The following ULK4 variants were observed in gnomAD, a reference collection of about 807,000 sequenced individuals.
ULK4 encodes the protein unc-51 like kinase 4, also known as inactive serine/threonine-protein kinase ULK4.
A neutral mutation model predicts 160.6 loss-of-function variants in ULK4; 133 were observed. That is an observed-to-expected ratio of 0.83 (90% CI 0.72 to 0.96). The LOEUF (loss-of-function observed/expected upper bound fraction) is 0.96. Among genes scored for constraint, ULK4 ranks in the 40% least tolerant of loss-of-function variants. ULK4 has a pLI of 0.00. For synonymous variants in ULK4, 534 were observed against 539.8 expected (o/e 0.99, Z 0.15); for missense variants, 1,580 against 1,499.5 (o/e 1.05, Z -0.89).
intron 35 of ULK4, among the ~76,000 whole-genome samples, chr3:41,316,773 T>G (rs2080150033): frequency 6.6e-6 from 1 of 152,184 alleles, no homozygotes; most frequent in South Asian, 2.1e-4. Context: ...TTATTTTCCC[T>G]TCTCTCAACT....
At chr3:41,904,541 T>C (rs1424479916) in intron 12 of ULK4, among the ~76,000 whole-genome samples, 1 of 152,220 alleles carries the variant, frequency 6.6e-6, no homozygotes, top group Non-Finnish European at 1.5e-5. Flanking sequence ...ATACTCTTCT[T>C]TATAACCATC....
chr3:41,736,691 G>A (rs1212573741), intron 22 of ULK4, among the ~76,000 whole-genome samples: 2 of 151,038 alleles, frequency 1.3e-5, no homozygotes, highest in Non-Finnish European at 2.9e-5. Flanking sequence ...AAGCTCTTTA[G>A]TTTAATTAGA....
chr3:41,295,841 G>A (rs181814425), intron 35 of ULK4, among the ~76,000 whole-genome samples: 1 of 152,274 alleles, frequency 6.6e-6, no homozygotes, highest in Admixed American at 6.5e-5. Flanking sequence ...ATGCAAAACG[G>A]TCCATCCACT....
chr3:41,883,188 T>A (rs916335243), intron 17 of ULK4, among the ~76,000 whole-genome samples: 12 of 152,126 alleles, frequency 7.9e-5, no homozygotes, highest in African/African-American at 2.9e-4. Flanking sequence ...GAGAAAATGT[T>A]CCAATTCCTC....
chr3:41,773,647 C>G (rs1181751367), intron 21 of ULK4, among the ~76,000 whole-genome samples: 1 of 152,006 alleles, frequency 6.6e-6, no homozygotes, highest in Non-Finnish European at 1.5e-5. Flanking sequence ...CCATACTGCC[C>G]AAGGTAATTT....
intron 32 of ULK4, among the ~76,000 whole-genome samples, chr3:41,482,619 T>G (rs2125898403): frequency 6.6e-6 from 1 of 152,340 alleles, no homozygotes; most frequent in Middle Eastern, 3.4e-3. Flanking sequence ...CTGGAAGTTG[T>G]TGTGTTTTTT....
At chr3:41,890,296 GAC>G (rs1697872887) in intron 16 of ULK4, among the ~76,000 whole-genome samples, 3 of 152,046 alleles carry the variant, frequency 2.0e-5, no homozygotes, top group African/African-American at 7.2e-5. Context: ...AGTCAAGAGA[GAC>G]AAACTCCCAC....
At chr3:41,514,558 T>A (rs957367604) in intron 32 of ULK4, among the ~76,000 whole-genome samples, 18 of 152,046 alleles carry the variant, frequency 1.2e-4, no homozygotes, top group Non-Finnish European at 2.4e-4. Flanking sequence ...AATAAATGGA[T>A]AAAGAAAATG....
chr3:41,486,261 T>A (rs2084525978), intron 32 of ULK4, among the ~76,000 whole-genome samples: 1 of 152,200 alleles, frequency 6.6e-6, no homozygotes, highest in African/African-American at 2.4e-5. Flanking sequence ...TGGCTCATAG[T>A]AGGTATTCAA....
At chr3:41,579,487 T>A (rs1284476104) in intron 31 of ULK4, among the ~76,000 whole-genome samples, 3 of 2,442 alleles carry the variant, frequency 1.2e-3, no homozygotes, top group Admixed American at 6.4e-3. Flanking sequence ...GAACTAATAT[T>A]TTTTTTTTTT....
In ULK4 at chr3:41,376,847, C is replaced by A. The variant is rs191452136; in HGVS notation, c.3678+21232G>T. ...GCCATCCCCAACAAGCTACCAATGA[C>A]TTTCTTCACAGAATTGGAAAAAACT... On this transcript the variant is annotated intron_variant, in intron 35 of 36. Coordinates refer to ENST00000301831, the MANE Select transcript of ULK4 (RefSeq NM_017886.4). Among the ~76,000 whole-genome samples the A allele has an allele frequency of 9.3e-4, 140 of 150,070 alleles. 2 individuals are homozygous for A. Among genetic ancestry groups the A allele is most frequent in the African/African-American group, 3.5e-3 (139 of 40,162 alleles).
At chr3:41,270,383 T>C (rs1202184430) in intron 35 of ULK4, among the ~76,000 whole-genome samples, 1 of 152,126 alleles carries the variant, frequency 6.6e-6, no homozygotes, top group Non-Finnish European at 1.5e-5. Flanking sequence ...TCCACTCTTC[T>C]CCCCATGGGC....
At chr3:41,846,944 G>A (rs17064075) in intron 17 of ULK4, among the ~76,000 whole-genome samples, 20,174 of 151,936 alleles carry the variant, frequency 0.13, 4,339 homozygotes, top group African/African-American at 0.45. Flanking sequence ...TTCTAATACC[G>A]TTATGCTTTG....
intron 30 of ULK4, among the ~76,000 whole-genome samples, chr3:41,620,463 T>C (rs1331194090): frequency 6.6e-6 from 1 of 152,192 alleles, no homozygotes; most frequent in Non-Finnish European, 1.5e-5. Context: ...TGGTTCAACA[T>C]ACGCAAATCA....
In ULK4 at chr3:41,516,053, C is replaced by T. The variant is rs763086031; in HGVS notation, c.3226+49972G>A. Among the ~76,000 whole-genome samples the T allele has an allele frequency of 2.7e-5, 4 of 150,224 alleles. 1 individual carries two copies. The South Asian group carries it at 8.6e-4, about 32-fold the overall frequency. On this transcript the variant is annotated intron_variant, in intron 32 of 36. Coordinates refer to ENST00000301831, the MANE Select transcript of ULK4 (RefSeq NM_017886.4). The stretch of plus-strand genomic sequence containing the variant: ...TGCTTAAAATTAATGCACTGTATTG[C>T]ATGCATGTTAAACCTCAATAAAAAG...
chr3:41,805,091 G>T (rs1281002113), intron 19 of ULK4, among the ~76,000 whole-genome samples: 1 of 152,138 alleles, frequency 6.6e-6, no homozygotes, highest in African/African-American at 2.4e-5. Context: ...CCATTTTCAC[G>T]ATACTGATTC....
At chr3:41,293,062 T>C (rs995161899) in intron 35 of ULK4, among the ~76,000 whole-genome samples, 1 of 152,134 alleles carries the variant, frequency 6.6e-6, no homozygotes, top group Non-Finnish European at 1.5e-5. Flanking sequence ...GCAGAGGTTT[T>C]GGTGAGTTAG....
At chr3:41,772,552 A>T in intron 21 of ULK4, among the ~76,000 whole-genome samples, 1 of 152,230 alleles carries the variant, frequency 6.6e-6, no homozygotes, top group Non-Finnish European at 1.5e-5. Context: ...GACCAATAAC[A>T]GGATCTGAAA....
At chr3:41,515,919 C>T (rs2085734390) in intron 32 of ULK4, among the ~76,000 whole-genome samples, 1 of 152,104 alleles carries the variant, frequency 6.6e-6, no homozygotes, top group Non-Finnish European at 1.5e-5. Flanking sequence ...GATTGATGAA[C>T]ACTGTCTGAG....
Sources: gnomAD v4.1 joint callset for allele counts (sites outside exome capture counted in the v4.1 genomes callset) on GRCh38, gnomAD v4.1.1 for gene constraint, MANE v1.5 for transcripts, NCBI Gene and HGNC (gene_info 2026-07-23, HGNC 2026-07-21) for gene names.